Variants in MAP7 observed in about 807,000 individuals in gnomAD.
MAP7 encodes the protein microtubule associated protein 7.
MAP7 carries 52 observed loss-of-function variants against 94.8 expected under a neutral mutation model. That is an observed-to-expected ratio of 0.55 (90% CI 0.44 to 0.69). MAP7 has a LOEUF of 0.69. Among genes scored for constraint, MAP7 ranks in the 30% least tolerant of loss-of-function variants. The pLI is 0.00. For missense variants in MAP7, 940 were observed against 964.6 expected (o/e 0.97, Z 0.34); for synonymous variants, 350 against 357.0 (o/e 0.98, Z 0.22).
At chr6:136,497,109 G>A (rs547416500) in intron 1 of MAP7, among the ~76,000 whole-genome samples, 2 of 152,172 alleles carry the variant, frequency 1.3e-5, no homozygotes, top group East Asian at 3.9e-4. Context: ...TGCTGTATGA[G>A]GACAGAGCTT....
intron 1 of MAP7, among the ~76,000 whole-genome samples, chr6:136,536,586 C>G (rs1480561398): frequency 1.2e-4 from 19 of 152,214 alleles, no homozygotes. Context: ...ATAAAAATCT[C>G]TCCTTTCTCT....
In MAP7 at chr6:136,415,084, C is replaced by T. The variant is rs1029394141; in HGVS notation, c.167-3387G>A. Among the ~76,000 whole-genome samples, 9 of 152,138 alleles carry T rather than the reference C, an allele frequency of 5.9e-5. No individual in the cohort carries two copies. In the South Asian group the frequency reaches 6.2e-4, roughly 11 times the overall value. On this transcript the variant is annotated intron_variant, in intron 2 of 17. Coordinates refer to ENST00000354570, the MANE Select transcript of MAP7 (RefSeq NM_003980.6). The stretch of plus-strand genomic sequence containing the variant: ...CCTCCCAAAGTGCTGGCATTACAAG[C>T]GTGAGCCACCATGCCCGATCTCGGC...
intron 1 of MAP7, among the ~76,000 whole-genome samples, chr6:136,470,347 A>G (rs951863033): frequency 6.6e-6 from 1 of 151,992 alleles, no homozygotes; most frequent in Non-Finnish European, 1.5e-5. Context: ...TATAATTGGC[A>G]AATAAAAATT....
intron 3 of MAP7, among the ~76,000 whole-genome samples, chr6:136,397,169 C>T (rs563003281): frequency 2.6e-5 from 4 of 151,954 alleles, no homozygotes; most frequent in Non-Finnish European, 4.4e-5. Context: ...AAACTTATTG[C>T]TAAATATAGG....
chr6:136,360,429 G>A (rs541165089), intron 13 of MAP7, among the ~76,000 whole-genome samples: 1 of 152,368 alleles, frequency 6.6e-6, no homozygotes, highest in African/African-American at 2.4e-5. Context: ...ACAGGCATGA[G>A]CCACCCGGCC....
intron 1 of MAP7, among the ~76,000 whole-genome samples, chr6:136,477,830 T>C (rs1300340925): frequency 6.6e-6 from 1 of 152,194 alleles, no homozygotes; most frequent in Non-Finnish European, 1.5e-5. Flanking sequence ...TTATAGGACA[T>C]TTCATCCTAT....
chr6:136,372,729 G>C (rs961576583), intron 7 of MAP7, 104 bp from the exon 8 acceptor site: 2 of 1,451,530 alleles, frequency 1.4e-6, no homozygotes, highest in Non-Finnish European at 1.9e-6. Flanking sequence ...TTCAGGAAAA[G>C]GAGCAAAGCA....
At chr6:136,504,749 C>T (rs1374045585) in intron 1 of MAP7, among the ~76,000 whole-genome samples, 3 of 152,204 alleles carry the variant, frequency 2.0e-5, no homozygotes, top group African/African-American at 4.8e-5. Flanking sequence ...GGCACAATCT[C>T]GGCCCAATGC....
intron 6 of MAP7, among the ~76,000 whole-genome samples, chr6:136,379,911 A>G (rs1777266309): frequency 6.6e-6 from 1 of 152,206 alleles, no homozygotes; most frequent in Non-Finnish European, 1.5e-5. Context: ...CACCACATTC[A>G]TAACTATGCC....
At chr6:136,477,804 T>C (rs1004750744) in intron 1 of MAP7, among the ~76,000 whole-genome samples, 6 of 152,216 alleles carry the variant, frequency 3.9e-5, no homozygotes, top group South Asian at 4.1e-4. Flanking sequence ...ATAGATCAAA[T>C]TGATCTAATA....
At chr6:136,407,566 A>G (rs1173038262) in intron 3 of MAP7, among the ~76,000 whole-genome samples, 1 of 152,192 alleles carries the variant, frequency 6.6e-6, no homozygotes. Flanking sequence ...CTTACCTGAA[A>G]TAAGAGTCTG....
At position 136,360,831 on chromosome 6, in the gene MAP7, A is replaced by T. The variant is rs372275701; in HGVS notation, c.1702-33T>A. 1.9e-4 allele frequency: 307 copies of T among 1,607,448 alleles called. 1 individual carries two copies. Among genetic ancestry groups the T allele is most frequent in the Middle Eastern group, 1.9e-3 (11 of 5,932 alleles). On this transcript the variant is annotated intron_variant, in intron 12 of 17. Coordinates refer to ENST00000354570, the MANE Select transcript of MAP7 (RefSeq NM_003980.6). ...CAGAAGGTCGGCGTCTGCCTCTGAC[A>T]AACAGGCGGGCTGCCCGGGTCTCCC...
chr6:136,454,309 A>G (rs919129166), intron 1 of MAP7, among the ~76,000 whole-genome samples: 1 of 151,270 alleles, frequency 6.6e-6, no homozygotes, highest in African/African-American at 2.4e-5. Flanking sequence ...CTATCTATCT[A>G]TCTATCTATC....
intron 11 of MAP7, 140 bp from the exon 12 acceptor site, chr6:136,361,319 T>G: frequency 1.2e-6 from 1 of 835,162 alleles, no homozygotes; most frequent in Non-Finnish European, 1.9e-6. Context: ...TCACCACTGC[T>G]AAGGGACAAA....
intron 1 of MAP7, among the ~76,000 whole-genome samples, chr6:136,497,525 T>TA (rs537275225): frequency 0.011 from 1,574 of 140,290 alleles, 13 homozygotes; most frequent in East Asian, 0.024. Context: ...TCATCTTACT[T>TA]AAAAAAAAAA....
intron 1 of MAP7, among the ~76,000 whole-genome samples, chr6:136,449,646 C>T (rs144386238): frequency 0.018 from 2,782 of 152,338 alleles, 47 homozygotes; most frequent in Non-Finnish European, 0.03. Flanking sequence ...AGTTAGGTCA[C>T]AGTTCACTAT....
chr6:136,525,755 T>A, intron 1 of MAP7: 1 of 1,446,186 alleles, frequency 6.9e-7, no homozygotes, highest in South Asian at 1.4e-5. Context: ...GCAGCACAGT[T>A]TATAAAACGT....
chr6:136,499,292 A>G (rs777271772), intron 1 of MAP7, among the ~76,000 whole-genome samples: 8 of 152,092 alleles, frequency 5.3e-5, no homozygotes, highest in Non-Finnish European at 1.2e-4. Flanking sequence ...ACTTCCAAGG[A>G]GAAAAAGAAC....
chr6:136,457,541 T>C (rs569238932), intron 1 of MAP7, among the ~76,000 whole-genome samples: 2 of 152,262 alleles, frequency 1.3e-5, no homozygotes, highest in East Asian at 3.9e-4. Context: ...ATAACCCTGA[T>C]GAAGACAGAT....
Sources: gnomAD v4.1 joint callset for allele counts (sites outside exome capture counted in the v4.1 genomes callset) on GRCh38, gnomAD v4.1.1 for gene constraint, MANE v1.5 for transcripts, NCBI Gene and HGNC (gene_info 2026-07-23, HGNC 2026-07-21) for gene names.